The following ASS1 variants were observed in gnomAD, a reference collection of about 807,000 sequenced individuals.
The protein encoded by ASS1 is argininosuccinate synthase.
A neutral mutation model predicts 60.5 loss-of-function variants in ASS1; 58 were observed. The observed-to-expected ratio is 0.96, with a 90% CI of 0.78 to 1.19. ASS1 has a LOEUF of 1.19. Among genes scored for constraint, ASS1 ranks in the 50% most tolerant of loss-of-function variants. The pLI is 0.00. For synonymous variants in ASS1, 200 were observed against 206.9 expected (o/e 0.97, Z 0.29); for missense variants, 454 against 547.3 (o/e 0.83, Z 1.70).
chr9:130,452,149 TG>T, intron 1 of ASS1, 74 bp from the exon 2 acceptor site: 2 of 1,303,052 alleles, frequency 1.5e-6, no homozygotes, highest in Non-Finnish European at 1.1e-6. Flanking sequence ...AGGTCGGGGC[TG>T]GGCTGTCTGC....
intron 6 of ASS1, among the ~76,000 whole-genome samples, chr9:130,469,764 C>T (rs530441203): frequency 1.3e-5 from 2 of 152,306 alleles, no homozygotes; most frequent in Admixed American, 1.3e-4. Context: ...GATGGGGAAA[C>T]AGCTGCTCCC....
chr9:130,445,110 G>A, intron 1 of ASS1, 115 bp downstream of exon 1: 1 of 979,746 alleles, frequency 1.0e-6, no homozygotes, highest in African/African-American at 1.7e-5. Flanking sequence ...GAGGCAGAGG[G>A]CGGACCCCGA....
Position 130,476,124 on chromosome 9 carries a change from C to T in ASS1, c.598-747C>T, listed in dbSNP as rs1846011215. On this transcript the variant is annotated intron_variant, in intron 8 of 14. Transcript: ENST00000352480. The surrounding 1 kb of genome is among the most constrained non-coding windows in gnomAD (Gnocchi z 4.9). The stretch of plus-strand genomic sequence containing the variant: ...TGGATGTCAGCAGGTGAACAAGGAC[C>T]CCAGGCACAGGATGCCCACAGGAGG... 6.6e-6 allele frequency among the ~76,000 whole-genome samples: 1 copy of T among 152,098 alleles called. No homozygotes were observed. Among genetic ancestry groups the T allele is most frequent in the Non-Finnish European group, 1.5e-5 (1 of 68,034 alleles).
intron 1 of ASS1, 68 bp downstream of exon 1, chr9:130,445,063 G>A: frequency 1.4e-5 from 11 of 784,868 alleles, no homozygotes; most frequent in Non-Finnish European, 1.7e-5. Context: ...CGGGCCCAGA[G>A]GAGGAGGCGT....
At chr9:130,473,237 C>T (rs1010947742) in intron 8 of ASS1, among the ~76,000 whole-genome samples, 1 of 152,210 alleles carries the variant, frequency 6.6e-6, no homozygotes, top group African/African-American at 2.4e-5. Context: ...CCTCTCTGAG[C>T]CTCCAGTACT....
intron 6 of ASS1, among the ~76,000 whole-genome samples, chr9:130,467,390 T>C (rs759235958): frequency 7.9e-5 from 12 of 152,190 alleles, no homozygotes; most frequent in African/African-American, 1.2e-4. Flanking sequence ...CCTTTCTTTT[T>C]AGCGACTCGA....
At chr9:130,450,361 C>A in intron 1 of ASS1, 1 of 985,200 alleles carries the variant, frequency 1.0e-6, no homozygotes, top group Non-Finnish European at 1.2e-6. Context: ...TCCTCCCTGC[C>A]TGCCTTCCTC....
intron 14 of ASS1, among the ~76,000 whole-genome samples, chr9:130,500,220 G>A (rs550452717): frequency 6.6e-6 from 1 of 152,298 alleles, no homozygotes; most frequent in African/African-American, 2.4e-5. Flanking sequence ...GTGCTCAAGG[G>A]CAAACAGGGT....
chr9:130,495,494 CACACACAT>C (rs1405360918), intron 13 of ASS1, among the ~76,000 whole-genome samples: 10 of 151,112 alleles, frequency 6.6e-5, no homozygotes, highest in East Asian at 1.9e-4. Flanking sequence ...CACACACACA[CACACACAT>C]ATATATATAA....
At chr9:130,469,866 G>T (rs1024328601) in intron 6 of ASS1, among the ~76,000 whole-genome samples, 2 of 152,172 alleles carry the variant, frequency 1.3e-5, no homozygotes, top group Non-Finnish European at 2.9e-5. Context: ...ACCCGGTGGG[G>T]GCTGCCTGTG....
Position 130,451,799 on chromosome 9 carries a change from C to A in ASS1, c.-5-425C>A, listed in dbSNP as rs7040665. ...TCCCAGGGCCCTGCCTGGTGCTTGG[C>A]AAGGAGCAGTTCTGATGGGGGATGT... On this transcript the variant is annotated intron_variant, in intron 1 of 14. Coordinates refer to ENST00000352480, the MANE Select transcript of ASS1 (RefSeq NM_054012.4). 4.5e-3 allele frequency: 2,056 copies of A among 458,740 alleles called. 24 individuals are homozygous for A. Among genetic ancestry groups the A allele is most frequent in the African/African-American group, 0.022 (1,111 of 50,352 alleles). The allele number at this position is 458,740 out of a possible 1,614,324, so 28.4% of individuals were successfully genotyped here.
In ASS1 at chr9:130,479,845, C is replaced by T. The variant is rs373206401; in HGVS notation, c.773+45C>T. The T allele has an allele frequency of 1.3e-5, 21 of 1,568,466 alleles. No individual in the cohort carries two copies. The highest frequency in any genetic ancestry group is 6.8e-5 in the African/African-American group (5 of 73,848). On this transcript the variant is annotated intron_variant, in intron 10 of 14. Coordinates refer to ENST00000352480, the MANE Select transcript of ASS1 (RefSeq NM_054012.4). ...TCCGGCCTCTTGGGAACCGCCGTCT[C>T]GGGCGAGCACGAGCCTGGACCGTTG... is the stretch of plus-strand genomic sequence containing the variant.
At chr9:130,499,722 G>A (rs1846697020) in intron 14 of ASS1, 152 bp downstream of exon 14, 5 of 770,896 alleles carry the variant, frequency 6.5e-6, no homozygotes, top group Admixed American at 2.2e-5. Flanking sequence ...CCACTTTCCT[G>A]TCCATCTGCC....
chr9:130,478,696 C>T lies in ASS1; in HGVS notation c.689-1020C>T, dbSNP rs7855232. Reference sequence around the variant, plus strand: ...CCCCAGCGAAGGCCGATAATAGGACCGGGGAGGGAGAGAAAGGGAGAGAGG... The same window carrying T: ...CCCCAGCGAAGGCCGATAATAGGACTGGGGAGGGAGAGAAAGGGAGAGAGG... On this transcript the variant is annotated intron_variant, in intron 9 of 14. Transcript: ENST00000352480. This position sits in a 1 kb window ranked among gnomAD's most constrained non-coding sequence, Gnocchi z 4.7. 5.0e-3 allele frequency among the ~76,000 whole-genome samples: 754 copies of T among 152,108 alleles called. 2 individuals carry two copies. Among genetic ancestry groups the T allele is most frequent in the Middle Eastern group, 0.017 (5 of 294 alleles).
chr9:130,446,612 A>G (rs1184181216), intron 1 of ASS1, among the ~76,000 whole-genome samples: 2 of 152,224 alleles, frequency 1.3e-5, no homozygotes, highest in East Asian at 1.9e-4. Flanking sequence ...CACTCTCAGC[A>G]CAGTCTCCAT....
chr9:130,464,287 G>C, intron 5 of ASS1, 120 bp downstream of exon 5: 1 of 1,270,318 alleles, frequency 7.9e-7, no homozygotes. Flanking sequence ...CCGTGGCAGG[G>C]GTGCCCATCG....
chr9:130,463,073 C>G (rs1564905917), intron 4 of ASS1, among the ~76,000 whole-genome samples: 1 of 152,246 alleles, frequency 6.6e-6, no homozygotes, highest in Non-Finnish European at 1.5e-5. Context: ...ACACACAGCT[C>G]CCAGCTCTGC....
intron 1 of ASS1, among the ~76,000 whole-genome samples, chr9:130,448,267 C>A (rs1432310433): frequency 1.3e-5 from 2 of 152,044 alleles, no homozygotes; most frequent in East Asian, 3.9e-4. Flanking sequence ...CTGCCCAGCT[C>A]ATTTCTCTGC....
At chr9:130,473,872 C>T (rs1408943996) in intron 8 of ASS1, among the ~76,000 whole-genome samples, 2 of 152,130 alleles carry the variant, frequency 1.3e-5, no homozygotes, top group East Asian at 1.9e-4. Flanking sequence ...GTCGCCGGCC[C>T]GCCATAGCTG....
Sources: gnomAD v4.1 joint callset for allele counts (sites outside exome capture counted in the v4.1 genomes callset) on GRCh38, gnomAD v4.1.1 for gene constraint, Gnocchi (gnomAD v3.1) non-coding constraint, MANE v1.5 for transcripts, NCBI Gene and HGNC (gene_info 2026-07-23, HGNC 2026-07-21) for gene names.